The following VLDLR variants were observed in gnomAD, a reference collection of about 807,000 sequenced individuals.
The protein encoded by VLDLR is very low-density lipoprotein receptor.
Under a neutral mutation model 112.7 loss-of-function variants are expected in VLDLR, and 81 were observed. That is an observed-to-expected ratio of 0.72 (90% CI 0.60 to 0.86). VLDLR has a LOEUF of 0.86. Among genes scored for constraint, VLDLR ranks in the 40% least tolerant of loss-of-function variants. The pLI is 0.00. For synonymous variants in VLDLR, 436 were observed against 384.8 expected, an observed-to-expected ratio of 1.13 and a Z score of -1.56; for missense variants, 1,237 against 1,099.4, an observed-to-expected ratio of 1.13 and a Z score of -1.77.
At position 2,658,474 on chromosome 9, in the gene VLDLR, A is replaced by C. The variant is rs2130822215; in HGVS notation, c.*4606A>C. ...TCCGCAGGTTACCTCATGGCATATC[A>C]AAAATGGCTTTTTTCTTCACTGCGC... is the stretch of plus-strand genomic sequence containing the variant. On this transcript the variant is annotated 3_prime_UTR_variant, in exon 19 of 19. Coordinates refer to ENST00000382100, the MANE Select transcript of VLDLR (RefSeq NM_003383.5). 6.6e-6 allele frequency: 1 copy of C among 152,342 alleles called. No individual in the cohort carries two copies. The highest frequency in any genetic ancestry group is 1.9e-4 in the East Asian group (1 of 5,188). The allele number at this position is 152,342 out of a possible 1,614,324, so 9.4% of individuals were successfully genotyped here.
chr9:2,650,602 C>G, intron 15 of VLDLR, 86 bp downstream of exon 15: 2 of 1,547,268 alleles, frequency 1.3e-6, no homozygotes, highest in South Asian at 1.1e-5. Flanking sequence ...AGAATTCTGT[C>G]TTAGCTAATT....
At chr9:2,622,356 A>G in intron 1 of VLDLR, 85 bp downstream of exon 1, 1 of 1,234,564 alleles carries the variant, frequency 8.1e-7, no homozygotes, top group Non-Finnish European at 1.1e-6. Context: ...CCGTTTGCCC[A>G]CCCGCCTCCT....
Position 2,639,944 on chromosome 9 carries a change from C to A in VLDLR, c.288C>A (p.Asp96Glu), listed in dbSNP as rs1343041412. The A allele has an allele frequency of 6.2e-7, 1 of 1,614,220 alleles. No individual in the cohort carries two copies. The highest frequency in any genetic ancestry group is 8.5e-7 in the Non-Finnish European group (1 of 1,180,050). The change falls in exon 3 of 19, where the codon GAC (aspartate) becomes GAA (glutamate). Residue 96 changes from aspartate to glutamate, a missense_variant. Physicochemically the swap from Asp to Glu is conservative, Grantham distance 45. Coordinates refer to ENST00000382100, the MANE Select transcript of VLDLR (RefSeq NM_003383.5). ...PSRWKCDGDP[D>E]CEDGSDESPE... ...GATGGAAGTGTGATGGAGATCCTGA[C>A]TGCGAAGATGGTTCAGATGAAAGCC...
In VLDLR at chr9:2,646,385, C is replaced by T. The variant is rs1335549033; in HGVS notation, c.1536C>T (p.Val512=). ...GACATGTTAAAATGATCGACAATGT[C>T]TATAATCCTGCAGCCATTGCTGTTG... The part of the protein sequence containing the change: ...VGRHVKMIDN[V]YNPAAIAVDW... Residue 512 remains valine (V), a synonymous_variant, in exon 11 of 19, where the codon GTC becomes GTT. Coordinates refer to ENST00000382100, the MANE Select transcript of VLDLR (RefSeq NM_003383.5). The T allele has an allele frequency of 6.2e-7, 1 of 1,614,180 alleles. No homozygotes were observed. The highest frequency in any genetic ancestry group is 1.1e-5 in the South Asian group (1 of 91,080).
At chr9:2,649,462 G>A (rs1818222130) in intron 14 of VLDLR, among the ~76,000 whole-genome samples, 1 of 152,112 alleles carries the variant, frequency 6.6e-6, no homozygotes, top group African/African-American at 2.4e-5. Context: ...CACAATCTCG[G>A]CTCACTGCAA....
At chr9:2,647,064 G>A (rs1257745169) in intron 11 of VLDLR, among the ~76,000 whole-genome samples, 2 of 152,132 alleles carry the variant, frequency 1.3e-5, no homozygotes, top group Admixed American at 6.5e-5. Flanking sequence ...AAGTAACATA[G>A]AAGAGCAGCT....
At chr9:2,645,144 C>T in intron 9 of VLDLR, 62 bp downstream of exon 9, 7 of 1,609,864 alleles carry the variant, frequency 4.3e-6, no homozygotes, top group Admixed American at 3.3e-5. Flanking sequence ...CTAAAAGGTA[C>T]AGCCAGTGAC....
In VLDLR at chr9:2,645,763, T is replaced by C; in HGVS notation, c.1484+18T>C. On this transcript the variant is annotated intron_variant, in intron 10 of 18. Transcript: ENST00000382100. ...ATCTTCAGGTAACTTTCAGTTCCTTTTGTGGTGTCTTGACATAAGTCATTG... is the reference window on the plus strand; with the variant it reads ...ATCTTCAGGTAACTTTCAGTTCCTTCTGTGGTGTCTTGACATAAGTCATTG... 6.2e-7 allele frequency: 1 copy of C among 1,613,996 alleles called. No individual in the cohort carries two copies. The highest frequency in any genetic ancestry group is 8.5e-7 in the Non-Finnish European group (1 of 1,179,966).
Position 2,644,592 on chromosome 9 carries a change from A to G in VLDLR, c.1067-142A>G, listed in dbSNP as rs1004748769. ...ATAATCCACCCTGAAATATATACCT[A>G]TAAAATAAATGATTAGGTCTTAGAC... On this transcript the variant is annotated intron_variant, in intron 7 of 18. Coordinates refer to ENST00000382100, the MANE Select transcript of VLDLR (RefSeq NM_003383.5). 4.8e-6 allele frequency: 5 copies of G among 1,050,854 alleles called. No homozygotes were observed. In the African/African-American group the frequency reaches 6.4e-5, roughly 13 times the overall value. 65.1% of individuals were successfully genotyped at this position (1,050,854 alleles called of 1,614,324 possible). A position where few individuals can be genotyped will look rare whatever the true frequency, so the allele number is the denominator to read the frequency against.
Position 2,644,793 on chromosome 9 carries a change from A to G in VLDLR, c.1126A>G (p.Ile376Val), listed in dbSNP as rs1367489850. The G allele has an allele frequency of 6.2e-7, 1 of 1,614,118 alleles. No homozygotes were observed. Among genetic ancestry groups the G allele is most frequent in the East Asian group, 2.2e-5 (1 of 44,894 alleles). The change falls in exon 8 of 19, where the codon ATA (isoleucine) becomes GTA (valine). Residue 376 changes from isoleucine to valine, a missense_variant. By Grantham distance (29) the Ile-to-Val change is conservative. Coordinates refer to ENST00000382100, the MANE Select transcript of VLDLR (RefSeq NM_003383.5). ...TTCTCATATCTGCAAAGACCTAGTT[A>G]TAGGCTACGAGTGTGACTGTGCAGC... The part of the protein sequence containing the change: ...GCSHICKDLV[I>V]GYECDCAAGF...
intron 1 of VLDLR, among the ~76,000 whole-genome samples, chr9:2,629,021 G>C (rs1263279551): frequency 2.0e-5 from 3 of 152,170 alleles, no homozygotes; most frequent in African/African-American, 7.2e-5. Context: ...TTAGTGCAGT[G>C]GTTCTCAAAG....
At position 2,652,826 on chromosome 9, in the gene VLDLR, T is replaced by A; in HGVS notation, c.2463T>A (p.Asn821Lys). The A allele has an allele frequency of 6.2e-7, 1 of 1,614,174 alleles. No homozygotes were observed. The highest frequency in any genetic ancestry group is 8.5e-7 in the Non-Finnish European group (1 of 1,180,010). ...AAVGGYLMWR[N>K]WQHKNMKSMN... is the part of the protein sequence containing the mutation. ...TAGGTGGCTACTTGATGTGGCGGAA[T>A]TGGCAACACAAGAACATGAAAAGCA... The change falls in exon 18 of 19, where the codon AAT becomes AAA. Residue 821 changes from asparagine (N) to lysine (K), a missense_variant. Asn to Lys is a moderately conservative substitution (Grantham distance 94, BLOSUM62 0). Transcript: ENST00000382100.
Position 2,648,337 on chromosome 9 carries a change from C to T in VLDLR, c.1952C>T (p.Thr651Ile), listed in dbSNP as rs1450172554. ...TTCCTAGCTCATCCTCTTGCACTAA[C>T]AATATTTGAGGTAAGATGTGTCTCA... ...LEFLAHPLALTIFEDRVYWID... is the reference protein window; with the variant it reads ...LEFLAHPLALIIFEDRVYWID... The change falls in exon 13 of 19, where the codon ACA (threonine) becomes ATA (isoleucine). Residue 651 changes from threonine (T) to isoleucine (I), a missense_variant. By Grantham distance (89) the Thr-to-Ile change is moderately conservative. Coordinates refer to ENST00000382100, the MANE Select transcript of VLDLR (RefSeq NM_003383.5). 1.9e-6 allele frequency: 3 copies of T among 1,614,026 alleles called. No individual in the cohort carries two copies.
chr9:2,647,676 C>T (rs2130800276), intron 12 of VLDLR, 84 bp downstream of exon 12: 1 of 1,219,808 alleles, frequency 8.2e-7, no homozygotes, highest in Non-Finnish European at 1.2e-6. Flanking sequence ...TCTGGACTAG[C>T]AGATGACTCT....
intron 2 of VLDLR, among the ~76,000 whole-genome samples, chr9:2,636,766 A>G (rs565152727): frequency 6.6e-6 from 1 of 152,314 alleles, no homozygotes; most frequent in African/African-American, 2.4e-5. Flanking sequence ...TACCTAGGTA[A>G]TTTAGTTCTC....
intron 1 of VLDLR, among the ~76,000 whole-genome samples, chr9:2,628,906 C>T (rs975807989): frequency 2.6e-5 from 4 of 152,196 alleles, no homozygotes; most frequent in African/African-American, 9.6e-5. Context: ...CTGTGTCCCT[C>T]CTGTGATGAA....
At chr9:2,630,478 T>A (rs939557264) in intron 1 of VLDLR, among the ~76,000 whole-genome samples, 4 of 152,150 alleles carry the variant, frequency 2.6e-5, no homozygotes, top group African/African-American at 9.7e-5. Flanking sequence ...TGTGGCAGCA[T>A]GAGCCTCTGT....
At chr9:2,644,538 G>A (rs1183546260) in intron 7 of VLDLR, among the ~76,000 whole-genome samples, 196 bp from the exon 8 acceptor site, 1 of 151,804 alleles carries the variant, frequency 6.6e-6, no homozygotes, top group Non-Finnish European at 1.5e-5. Flanking sequence ...CTAAATGCTT[G>A]ACCAGCTGGT....
At position 2,653,914 on chromosome 9, in the gene VLDLR, C is replaced by G. The variant is rs35412127; in HGVS notation, c.*46C>G. 3.0e-4 allele frequency: 480 copies of G among 1,606,326 alleles called. 1 individual carries two copies. In the African/African-American group the frequency reaches 5.9e-3, roughly 20 times the overall value. On this transcript the variant is annotated 3_prime_UTR_variant, in exon 19 of 19. Transcript: ENST00000382100. The stretch of plus-strand genomic sequence containing the variant: ...CTTTGAGGTCTAAACAAATAATACC[C>G]CCGTCGGAATGGTAACCGAGCCAGC...
Sources: gnomAD v4.1 joint callset for allele counts (sites outside exome capture counted in the v4.1 genomes callset) on GRCh38, gnomAD v4.1.1 for gene constraint, MANE v1.5 for transcripts, NCBI Gene and HGNC (gene_info 2026-07-23, HGNC 2026-07-21) for gene names.